Variants in ARHGEF15 observed in about 807,000 individuals in gnomAD.
The protein encoded by ARHGEF15 is Rho guanine nucleotide exchange factor (GEF) 15.
In ARHGEF15, 58 loss-of-function variants were observed where a neutral mutation model predicts 79.7. The observed-to-expected ratio is 0.73, with a 90% CI of 0.59 to 0.91. The LOEUF (loss-of-function observed/expected upper bound fraction) is 0.91, where lower values mean the gene tolerates loss of function less well. ARHGEF15 is among the 40% of genes least tolerant of loss of function. The pLI, the probability that ARHGEF15 is intolerant of heterozygous loss-of-function variation, is 0.00. For synonymous variants in ARHGEF15, 442 were observed against 456.0 expected, an observed-to-expected ratio of 0.97 and a Z score of 0.39; for missense variants, 1,012 against 1,108.1, an observed-to-expected ratio of 0.91 and a Z score of 1.23.
In ARHGEF15 at chr17:8,320,865, G is replaced by T. The variant is rs1176397439; in HGVS notation, c.2398G>T (p.Ala800Ser). Reference sequence around the variant, plus strand: ...AGGTTGGCTGAAGGGGCTTCCTGGGGCCTTCCCTGCCCAGCTGGTGTGTGA... The same window carrying T: ...AGGTTGGCTGAAGGGGCTTCCTGGGTCCTTCCCTGCCCAGCTGGTGTGTGA... ...PEGWLKGLPGAFPAQLVCEVT... is the reference protein window; with the variant it reads ...PEGWLKGLPGSFPAQLVCEVT... Residue 800 changes from alanine (A) to serine (S), a missense_variant, in exon 16 of 16, where the codon GCC becomes TCC. Physicochemically the swap from Ala to Ser is moderately conservative, Grantham distance 99. Around this residue, in one of 3 missense-constraint regions of ARHGEF15, gnomAD observed 132 missense variants for 124.2 expected, o/e 1.06. Coordinates refer to ENST00000361926, the MANE Select transcript of ARHGEF15 (RefSeq NM_173728.4). The T allele has an allele frequency of 6.2e-7, 1 of 1,613,086 alleles. No homozygotes were observed. Among genetic ancestry groups the T allele is most frequent in the East Asian group, 2.2e-5 (1 of 44,874 alleles).
In ARHGEF15 at chr17:8,321,975, A is replaced by G. The variant is rs1356184661; in HGVS notation, c.*982A>G. ...CTCCTTGCCCCAAACACTGGCCTCC[A>G]TAATTCCTGCCTGCAGATCTCCCAA... On this transcript the variant is annotated 3_prime_UTR_variant, in exon 16 of 16. Transcript: ENST00000361926. The G allele has an allele frequency of 2.0e-5, 3 of 152,976 alleles. No homozygotes were observed. Among genetic ancestry groups the G allele is most frequent in the African/African-American group, 7.2e-5 (3 of 41,474 alleles). The allele number at this position is 152,976 out of a possible 1,614,324, so 9.5% of individuals were successfully genotyped here. A position where few individuals can be genotyped will look rare whatever the true frequency, so the allele number is the denominator to read the frequency against.
Position 8,316,149 on chromosome 17 carries a change from G to GT in ARHGEF15, c.1704+2dup. 6.2e-7 allele frequency: 1 copy of GT among 1,601,978 alleles called. No homozygotes were observed. The highest frequency in any genetic ancestry group is 8.5e-7 in the Non-Finnish European group (1 of 1,179,152). On this transcript the variant is annotated splice_donor_variant, in intron 9 of 15. Coordinates refer to ENST00000361926, the MANE Select transcript of ARHGEF15 (RefSeq NM_173728.4). LOFTEE classifies it high-confidence loss of function. ...CACCCGGCTGCGCATGCTGCTGCAG[G>GT]TACCTGTCCCAGCTGCGGCCGTTTC...
At position 8,319,484 on chromosome 17, in the gene ARHGEF15, C is replaced by T. The variant is rs79687084; in HGVS notation, c.2270-15C>T. ...GCTAAACAGAATCACTTTAATGTCA[C>T]CCACCCCCAACCAGACTGTTCCCAG... On this transcript the variant is annotated splice_polypyrimidine_tract_variant and intron_variant, in intron 14 of 15. Transcript: ENST00000361926. The T allele has an allele frequency of 3.5e-4, 552 of 1,589,930 alleles. 2 individuals are homozygous for T. In the African/African-American group the frequency reaches 5.5e-3, roughly 16 times the overall value.
chr17:8,315,509 G>C lies in ARHGEF15; in HGVS notation c.1356G>C (p.Thr452=). The change falls in exon 7 of 16, where the codon ACG becomes ACC. Residue 452 remains threonine, a synonymous_variant. Coordinates refer to ENST00000361926, the MANE Select transcript of ARHGEF15 (RefSeq NM_173728.4). This position sits in a 1 kb window ranked among gnomAD's most constrained non-coding sequence, Gnocchi z 4.3. The stretch of plus-strand genomic sequence containing the variant: ...TGCTGAGCCAGGCACTCCGGGACAC[G>C]CTCACCCCCCGTGATCACCACACAC... The part of the protein sequence containing the change: ...TFVLSQALRD[T]LTPRDHHTLF... 6.2e-7 allele frequency: 1 copy of C among 1,612,676 alleles called. No individual in the cohort carries two copies. The highest frequency in any genetic ancestry group is 8.5e-7 in the Non-Finnish European group (1 of 1,179,990).
chr17:8,311,978 C>T lies in ARHGEF15; in HGVS notation c.-49-13C>T, dbSNP rs1904648375. ...GCACTAAGGGTCTTTCTCTTTCCCT[C>T]CCTCCTCCTCAGGGGATGACTCCAG... On this transcript the variant is annotated splice_polypyrimidine_tract_variant and intron_variant, in intron 1 of 15. Transcript: ENST00000361926. 1.4e-6 allele frequency: 2 copies of T among 1,461,632 alleles called. No individual in the cohort carries two copies. The highest frequency in any genetic ancestry group is 2.6e-5 in the East Asian group (1 of 38,758). 90.5% of individuals were successfully genotyped at this position (1,461,632 alleles called of 1,614,324 possible).
In ARHGEF15 at chr17:8,315,772, T is replaced by G; in HGVS notation, c.1439T>G (p.Leu480Arg). The G allele has an allele frequency of 6.2e-7, 1 of 1,613,296 alleles. No homozygotes were observed. Among genetic ancestry groups the G allele is most frequent in the Non-Finnish European group, 8.5e-7 (1 of 1,179,910 alleles). Reference sequence around the variant, plus strand: ...TCCTTCAGGTTTCTAGCAACGCTCCTGTCCCGTGTGCGCTCTTCCCCCCAC... The same window carrying G: ...TCCTTCAGGTTTCTAGCAACGCTCCGGTCCCGTGTGCGCTCTTCCCCCCAC... Reference protein sequence around the residue: ...GVSERFLATLLSRVRSSPHIS... With the variant: ...GVSERFLATLRSRVRSSPHIS... Residue 480 changes from leucine (L) to arginine (R), a missense_variant, in exon 8 of 16, where the codon CTG (leucine) becomes CGG (arginine). Transcript: ENST00000361926. This position sits in a 1 kb window ranked among gnomAD's most constrained non-coding sequence, Gnocchi z 4.3.
At chr17:8,316,422 A>G (rs190571178) in intron 9 of ARHGEF15, among the ~76,000 whole-genome samples, 106 of 152,282 alleles carry the variant, frequency 7.0e-4, no homozygotes, top group African/African-American at 2.5e-3. Context: ...TAGCTCTGCC[A>G]CTGACTCTCT....
chr17:8,319,708 T>C (rs1450449185), intron 15 of ARHGEF15, 105 bp downstream of exon 15: 12 of 893,636 alleles, frequency 1.3e-5, no homozygotes, highest in Non-Finnish European at 1.9e-5. Flanking sequence ...TGAGCTCGGC[T>C]CACTGCAACC....
Position 8,315,622 on chromosome 17 carries a change from GCACGCCCTTTC to G in ARHGEF15, c.1421+50_1421+60del. ...AGGGAACCTGCCCTTAGGCTGCTGG[GCACGCCCTTTC>G]CTCTCTCCCGGGCCCAGGTCCTTCC... On this transcript the variant is annotated intron_variant, in intron 7 of 15. Coordinates refer to ENST00000361926, the MANE Select transcript of ARHGEF15 (RefSeq NM_173728.4). The surrounding 1 kb of genome is among the most constrained non-coding windows in gnomAD (Gnocchi z 4.3). 1 of 1,601,516 alleles carries G rather than the reference GCACGCCCTTTC, an allele frequency of 6.2e-7. No homozygotes were observed. Among genetic ancestry groups the G allele is most frequent in the Non-Finnish European group, 8.5e-7 (1 of 1,177,604 alleles).
chr17:8,312,804 C>A, intron 2 of ARHGEF15, 118 bp from the exon 3 acceptor site: 1 of 1,552,350 alleles, frequency 6.4e-7, no homozygotes, highest in Non-Finnish European at 8.8e-7. Flanking sequence ...TGGAGGAGAT[C>A]TATAGATGCC....
rs1459495228 is a variant in ARHGEF15 at position 8,315,874 on chromosome 17, A to G, written c.1541A>G (p.Gln514Arg). 1 of 1,611,406 alleles carries G rather than the reference A, an allele frequency of 6.2e-7. No individual in the cohort carries two copies. Among genetic ancestry groups the G allele is most frequent in the Non-Finnish European group, 8.5e-7 (1 of 1,179,952 alleles). ...FSVYVDYVRNQQYQEETYSRL... is the reference protein window; with the variant it reads ...FSVYVDYVRNRQYQEETYSRL... The stretch of plus-strand genomic sequence containing the variant: ...GTGTATGTGGATTATGTGCGGAACC[A>G]GCAGTATCAGGAGGAGACCTACAGC... Residue 514 changes from glutamine (Q) to arginine (R), a missense_variant, in exon 8 of 16, where the codon CAG becomes CGG. Coordinates refer to ENST00000361926, the MANE Select transcript of ARHGEF15 (RefSeq NM_173728.4). This position sits in a 1 kb window ranked among gnomAD's most constrained non-coding sequence, Gnocchi z 4.3.
rs2151647662 is a variant in ARHGEF15, at chr17:8,321,435, AC to A, written c.*445del. On this transcript the variant is annotated 3_prime_UTR_variant, in exon 16 of 16. Transcript: ENST00000361926. ...ATCTGGACCCAAGAGACCAGTAGTC[AC>A]CCTGCTTGTTTCTGCAGCAATGACT... 1 of 154,716 alleles carries A rather than the reference AC, an allele frequency of 6.5e-6. No individual in the cohort carries two copies. Among genetic ancestry groups the A allele is most frequent in the South Asian group, 2.0e-4 (1 of 4,924 alleles). The allele number at this position is 154,716 out of a possible 1,614,324, so 9.6% of individuals were successfully genotyped here.
chr17:8,319,612 G>A lies in ARHGEF15; in HGVS notation c.2374+9G>A, dbSNP rs1905256364. ...GCACAAGACCCCTGAAGGTGAGAAA[G>A]TCTTTCATTTATTTATTTTGTATTT... On this transcript the variant is annotated intron_variant, in intron 15 of 15. Transcript: ENST00000361926. 1.3e-6 allele frequency: 2 copies of A among 1,539,032 alleles called. No individual in the cohort carries two copies. The highest frequency in any genetic ancestry group is 2.2e-5 in the Admixed American group (1 of 44,572).
In ARHGEF15 at chr17:8,316,740, GA is replaced by G. The variant is rs60438734; in HGVS notation, c.1704+600del. On this transcript the variant is annotated intron_variant, in intron 9 of 15. Transcript: ENST00000361926. The stretch of plus-strand genomic sequence containing the variant: ...GGCAACTTAGTGGGGTGATACGGGG[GA>G]AAAAAAAGTTTGAGATTTGAGACAC... Among the ~76,000 whole-genome samples the G allele has an allele frequency of 6.8e-3, 1,039 of 152,008 alleles. 11 individuals are homozygous for G. The highest frequency in any genetic ancestry group is 0.02 in the African/African-American group (817 of 41,458).
chr17:8,313,476 T>A, intron 3 of ARHGEF15, 25 bp from the exon 4 acceptor site: 2 of 1,604,576 alleles, frequency 1.2e-6, no homozygotes, highest in Non-Finnish European at 1.7e-6. Flanking sequence ...TTTTTTTTTC[T>A]CTTCACTCTG....
chr17:8,312,271 C>G lies in ARHGEF15; in HGVS notation c.232C>G (p.Pro78Ala). 7.0e-7 allele frequency: 1 copy of G among 1,422,948 alleles called. No homozygotes were observed. The highest frequency in any genetic ancestry group is 9.4e-7 in the Non-Finnish European group (1 of 1,062,060). 88.1% of individuals were successfully genotyped at this position (1,422,948 alleles called of 1,614,324 possible). A position where few individuals can be genotyped will look rare whatever the true frequency, so the allele number is the denominator to read the frequency against. ...ASLKPPALLP[P>A]SASRASLDSQ... ...CCTCAAGCCCCCTGCTCTTTTGCCC[C>G]CCTCAGCTTCTAGAGCCAGCCTCGA... The change falls in exon 2 of 16, where the codon CCC becomes GCC. Residue 78 changes from proline (P) to alanine (A), a missense_variant. By Grantham distance (27) the Pro-to-Ala change is conservative. Coordinates refer to ENST00000361926, the MANE Select transcript of ARHGEF15 (RefSeq NM_173728.4).
Position 8,320,907 on chromosome 17 carries a change from G to T in ARHGEF15, c.2440G>T (p.Glu814Ter). 2.5e-6 allele frequency: 4 copies of T among 1,614,008 alleles called. No individual in the cohort carries two copies. The highest frequency in any genetic ancestry group is 3.4e-6 in the Non-Finnish European group (4 of 1,180,006). The change falls in exon 16 of 16, where the codon GAA becomes TAA. Residue 814 changes from glutamate (E) to a stop codon, truncating the protein, a stop_gained. Transcript: ENST00000361926. LOFTEE classifies it high-confidence loss of function. ...QLVCEVTGEH[E>*]RRRHLRQNQR... ...GGTGTGTGAAGTCACAGGGGAACAC[G>T]AAAGGAGGAGGCACCTTCGCCAGAA...
Position 8,321,299 on chromosome 17 carries a change from A to T in ARHGEF15, c.*306A>T, listed in dbSNP as rs1354097788. Reference sequence around the variant, plus strand: ...ATTCCTGCTATGCTCAGGGCCAAGGAAGACAAATCTAGGTCATGGCAGTTG... The same window carrying T: ...ATTCCTGCTATGCTCAGGGCCAAGGTAGACAAATCTAGGTCATGGCAGTTG... On this transcript the variant is annotated 3_prime_UTR_variant, in exon 16 of 16. Coordinates refer to ENST00000361926, the MANE Select transcript of ARHGEF15 (RefSeq NM_173728.4). 1 of 268,334 alleles carries T rather than the reference A, an allele frequency of 3.7e-6. No individual in the cohort carries two copies. The highest frequency in any genetic ancestry group is 7.1e-6 in the Non-Finnish European group (1 of 141,796). The allele number at this position is 268,334 out of a possible 1,614,324, so 16.6% of individuals were successfully genotyped here. A position where few individuals can be genotyped will look rare whatever the true frequency, so the allele number is the denominator to read the frequency against.
chr17:8,317,500 A>G (rs898722786), intron 9 of ARHGEF15, among the ~76,000 whole-genome samples: 11 of 152,228 alleles, frequency 7.2e-5, no homozygotes, highest in African/African-American at 2.7e-4. Context: ...CAAAATAATA[A>G]TAATGATACT....
Sources: gnomAD v4.1 joint callset for allele counts (sites outside exome capture counted in the v4.1 genomes callset) on GRCh38, gnomAD v4.1.1 for gene constraint, gnomAD v4.1.1 regional missense constraint, Gnocchi (gnomAD v3.1) non-coding constraint, MANE v1.5 for transcripts, NCBI Gene and HGNC (gene_info 2026-07-23, HGNC 2026-07-21) for gene names.